CDIN1: variants seen among roughly 807,000 people sequenced by gnomAD.
CDIN1 encodes CDAN1-interacting nuclease 1.
In CDIN1, 33 loss-of-function variants were observed where a neutral mutation model predicts 45.3. That is an observed-to-expected ratio of 0.73 (90% CI 0.55 to 0.97). CDIN1 has a LOEUF of 0.97. Among genes scored for constraint, CDIN1 ranks in the 50% least tolerant of loss-of-function variants. CDIN1 has a pLI of 0.00. For missense variants in CDIN1, 303 were observed against 339.4 expected (o/e 0.89, Z 0.84); for synonymous variants, 118 against 124.4 (o/e 0.95, Z 0.34).
chr15:36,591,507 G>T (rs1353183646), intron 1 of CDIN1, among the ~76,000 whole-genome samples: 1 of 152,168 alleles, frequency 6.6e-6, no homozygotes, highest in African/African-American at 2.4e-5. Flanking sequence ...CCTAATGGAT[G>T]AAGTTAAAAT....
At chr15:36,629,121 C>T (rs2039573616) in intron 1 of CDIN1, among the ~76,000 whole-genome samples, 1 of 152,130 alleles carries the variant, frequency 6.6e-6, no homozygotes, top group Admixed American at 6.5e-5. Flanking sequence ...TTTTGGCCTG[C>T]TGATAAGGGT....
At chr15:36,603,916 CT>C (rs977284105) in intron 1 of CDIN1, among the ~76,000 whole-genome samples, 10 of 151,500 alleles carry the variant, frequency 6.6e-5, no homozygotes, top group Non-Finnish European at 1.2e-4. Flanking sequence ...ATTGGTTAAA[CT>C]TTTTTTTTGG....
intron 10 of CDIN1, among the ~76,000 whole-genome samples, chr15:36,797,745 C>T (rs1434324759): frequency 5.3e-5 from 8 of 151,930 alleles, no homozygotes; most frequent in Non-Finnish European, 8.8e-5. Flanking sequence ...TTTGGGGGGC[C>T]GAGGCGGGCA....
chr15:36,726,729 C>G (rs1208233997), intron 10 of CDIN1, among the ~76,000 whole-genome samples: 3 of 152,200 alleles, frequency 2.0e-5, no homozygotes, highest in African/African-American at 7.2e-5. Context: ...ACTATTCTCA[C>G]TAATTGCTTG....
intron 10 of CDIN1, among the ~76,000 whole-genome samples, chr15:36,800,893 G>GTATGTATA (rs2055001962): frequency 5.8e-5 from 2 of 34,512 alleles, no homozygotes; most frequent in Non-Finnish European, 1.6e-4. Flanking sequence ...GTGTGTGTGT[G>GTATGTATA]TGTGTGTGTG....
Position 36,686,841 on chromosome 15 carries a change from A to G in CDIN1, c.347-4844A>G, listed in dbSNP as rs1225323826. 5.9e-4 allele frequency among the ~76,000 whole-genome samples: 59 copies of G among 100,218 alleles called. 1 individual carries two copies. In the East Asian group the frequency reaches 0.017, roughly 29 times the overall value. 65.7% of individuals were successfully genotyped at this position (100,218 alleles called of 152,430 possible). A position where few individuals can be genotyped will look rare whatever the true frequency, so the allele number is the denominator to read the frequency against. ...GAGAGAGAGGTAGTCAGGGAGGGAG[A>G]GAGGGAGGGAGGGAGGGGAGGAAAG... On this transcript the variant is annotated intron_variant, in intron 5 of 10. Coordinates refer to ENST00000566621, the MANE Select transcript of CDIN1 (RefSeq NM_001321759.2).
At chr15:36,726,637 G>A (rs1350154414) in intron 10 of CDIN1, among the ~76,000 whole-genome samples, 1 of 152,136 alleles carries the variant, frequency 6.6e-6, no homozygotes, top group African/African-American at 2.4e-5. Flanking sequence ...ACAATGACAG[G>A]TTTCCCTGCT....
At chr15:36,655,012 ATG>A (rs1341472636) in intron 4 of CDIN1, among the ~76,000 whole-genome samples, 1 of 152,180 alleles carries the variant, frequency 6.6e-6, no homozygotes, top group Non-Finnish European at 1.5e-5. Flanking sequence ...AAGGCAGAAA[ATG>A]TGTGTTTGCA....
At chr15:36,648,427 ATTTTT>A (rs4008147) in intron 3 of CDIN1, among the ~76,000 whole-genome samples, 11 of 91,066 alleles carry the variant, frequency 1.2e-4, no homozygotes, top group African/African-American at 4.0e-4. Flanking sequence ...CCAATATTCT[ATTTTT>A]TTTTTTTTTT....
chr15:36,676,057 A>G (rs958296387), intron 5 of CDIN1, among the ~76,000 whole-genome samples: 9 of 152,146 alleles, frequency 5.9e-5, no homozygotes, highest in Non-Finnish European at 8.8e-5. Flanking sequence ...GATTTTTCTC[A>G]GGAGAATTAG....
At chr15:36,732,908 A>G (rs2043883022) in intron 10 of CDIN1, among the ~76,000 whole-genome samples, 1 of 152,088 alleles carries the variant, frequency 6.6e-6, no homozygotes, top group South Asian at 2.1e-4. Flanking sequence ...CCACTACCAA[A>G]TCCATTTACA....
intron 1 of CDIN1, among the ~76,000 whole-genome samples, chr15:36,592,948 T>A (rs899496402): frequency 6.6e-6 from 1 of 152,226 alleles, no homozygotes; most frequent in African/African-American, 2.4e-5. Flanking sequence ...AGCTCAGATG[T>A]TACATTTTCA....
At chr15:36,676,153 T>A (rs2140574312) in intron 5 of CDIN1, among the ~76,000 whole-genome samples, 1 of 152,294 alleles carries the variant, frequency 6.6e-6, no homozygotes, top group East Asian at 1.9e-4. Context: ...TCTTTCAGCA[T>A]ACTAAAAGTG....
chr15:36,792,686 T>G (rs1399955072), intron 10 of CDIN1, among the ~76,000 whole-genome samples: 2 of 152,186 alleles, frequency 1.3e-5, no homozygotes, highest in Admixed American at 1.3e-4. Flanking sequence ...CAGTAGATAC[T>G]TTGGTCCAGC....
chr15:36,582,097 T>C (rs2037072863), intron 1 of CDIN1, among the ~76,000 whole-genome samples: 1 of 152,250 alleles, frequency 6.6e-6, no homozygotes, highest in Admixed American at 6.5e-5. Flanking sequence ...AAAGCTCAAA[T>C]TTTATCATTG....
At position 36,780,573 on chromosome 15, in the gene CDIN1, A is replaced by G. The variant is rs115222969; in HGVS notation, c.717-27751A>G. 1.4e-3 allele frequency among the ~76,000 whole-genome samples: 217 copies of G among 152,302 alleles called. 1 individual carries two copies. Among genetic ancestry groups the G allele is most frequent in the African/African-American group, 4.6e-3 (192 of 41,548 alleles). Reference sequence around the variant, plus strand: ...ATCTTTCCCAAAGGTTGATTTGACTATCTGCAGTGGAAAAACCTTGAAGAG... The same window carrying G: ...ATCTTTCCCAAAGGTTGATTTGACTGTCTGCAGTGGAAAAACCTTGAAGAG... On this transcript the variant is annotated intron_variant, in intron 10 of 10. Transcript: ENST00000566621.
At chr15:36,792,919 C>T (rs1382959002) in intron 10 of CDIN1, among the ~76,000 whole-genome samples, 1 of 152,108 alleles carries the variant, frequency 6.6e-6, no homozygotes, top group East Asian at 1.9e-4. Context: ...CACCTTTAAG[C>T]TGTGTCGTGC....
chr15:36,659,972 T>TTTTC (rs1458867274), intron 5 of CDIN1, among the ~76,000 whole-genome samples: 1 of 144,728 alleles, frequency 6.9e-6, no homozygotes, highest in East Asian at 2.0e-4. Flanking sequence ...TTTTCTTTTT[T>TTTTC]TTTTTTTTTT....
At chr15:36,806,881 T>C (rs1595629737) in intron 10 of CDIN1, among the ~76,000 whole-genome samples, 1 of 152,188 alleles carries the variant, frequency 6.6e-6, no homozygotes, top group East Asian at 1.9e-4. Flanking sequence ...CACACACCTG[T>C]GCACAGGTAG....
Sources: allele counts gnomAD v4.1 joint callset (sites outside exome capture counted in the v4.1 genomes callset), GRCh38; gene constraint gnomAD v4.1.1; transcripts MANE v1.5; gene names NCBI Gene and HGNC (gene_info 2026-07-23, HGNC 2026-07-21).